The following ELMO1 variants were observed in gnomAD, a reference collection of about 807,000 sequenced individuals.
ELMO1 encodes the protein engulfment and cell motility protein 1.
A neutral mutation model predicts 98.9 loss-of-function variants in ELMO1; 26 were observed. That is an observed-to-expected ratio of 0.26 (90% CI 0.19 to 0.36). The LOEUF (loss-of-function observed/expected upper bound fraction) is 0.36, where lower values mean the gene tolerates loss of function less well. ELMO1 is among the 10% of genes least tolerant of loss of function. The pLI is 1.00. For missense variants in ELMO1, 627 were observed against 935.2 expected, an observed-to-expected ratio of 0.67 and a Z score of 4.30; for synonymous variants, 346 against 346.0, an observed-to-expected ratio of 1.00 and a Z score of 0.00.
chr7:37,025,385 T>C (rs1342012075), intron 15 of ELMO1, among the ~76,000 whole-genome samples: 2 of 152,194 alleles, frequency 1.3e-5, no homozygotes, highest in African/African-American at 4.8e-5. Context: ...GCTAATTCTA[T>C]GCATCAACCT....
intron 15 of ELMO1, among the ~76,000 whole-genome samples, chr7:37,051,022 T>C (rs1398282136): frequency 6.6e-6 from 1 of 152,210 alleles, no homozygotes; most frequent in East Asian, 1.9e-4. Flanking sequence ...GTATTTCCCA[T>C]AAGAATTCTT....
intron 15 of ELMO1, among the ~76,000 whole-genome samples, chr7:37,077,266 G>A (rs1002865500): frequency 6.6e-6 from 1 of 152,228 alleles, no homozygotes; most frequent in Non-Finnish European, 1.5e-5. Context: ...GCAGGATTAA[G>A]CCCAGGTCTC....
Position 37,375,490 on chromosome 7 carries a change from A to C in ELMO1, c.-73-32727T>G, listed in dbSNP as rs572960322. 43 of 744,260 alleles carry C rather than the reference A, an allele frequency of 5.8e-5. No homozygotes were observed. The East Asian group carries it at 1.0e-3, about 18-fold the overall frequency. The allele number at this position is 744,260 out of a possible 1,614,324, so 46.1% of individuals were successfully genotyped here. ...AGCAAGATGGAGTCAGGTATGATTC[A>C]AGCCCCGGCCCCGGACCCCAGAGCC... On this transcript the variant is annotated intron_variant, in intron 1 of 21. Coordinates refer to ENST00000310758, the MANE Select transcript of ELMO1 (RefSeq NM_014800.11).
At chr7:37,327,972 T>C (rs1024181697) in intron 2 of ELMO1, among the ~76,000 whole-genome samples, 1 of 152,220 alleles carries the variant, frequency 6.6e-6, no homozygotes, top group African/African-American at 2.4e-5. Flanking sequence ...CCTTTCTAAT[T>C]ATGATACAGT....
At chr7:37,428,779 G>C (rs1472986722) in intron 1 of ELMO1, among the ~76,000 whole-genome samples, 2 of 152,254 alleles carry the variant, frequency 1.3e-5, no homozygotes, top group East Asian at 3.8e-4. Context: ...ACGATGTATA[G>C]TGCTTACGCA....
chr7:36,885,271 A>AT (rs762654461), intron 18 of ELMO1, among the ~76,000 whole-genome samples: 2 of 152,138 alleles, frequency 1.3e-5, no homozygotes, highest in Non-Finnish European at 2.9e-5. Flanking sequence ...GGGGTAGTTC[A>AT]TTTTTAGAAA....
intron 13 of ELMO1, among the ~76,000 whole-genome samples, chr7:37,189,138 T>C (rs534989181): frequency 6.6e-6 from 1 of 152,356 alleles, no homozygotes; most frequent in East Asian, 1.9e-4. Flanking sequence ...AATTCGGTAA[T>C]TGTGTATGGA....
At chr7:37,213,491 A>G in intron 11 of ELMO1, 34 bp from the exon 12 acceptor site, 1 of 1,569,482 alleles carries the variant, frequency 6.4e-7, no homozygotes, top group Non-Finnish European at 8.6e-7. Flanking sequence ...AATTTTTTAA[A>G]AAAGAAAGAA....
chr7:37,186,071 A>G (rs1035260189), intron 13 of ELMO1, among the ~76,000 whole-genome samples: 2 of 152,220 alleles, frequency 1.3e-5, no homozygotes, highest in African/African-American at 4.8e-5. Flanking sequence ...AACTTACTAC[A>G]AAGTTTCCAT....
rs146809828 is a variant in ELMO1 at position 37,342,526 on chromosome 7, G to A, written c.78+87C>T. ...TTCAACACAGCTAGAGAGAGAAAGG[G>A]AGAAGAGTGAGCTATCCAAAGTCTA... On this transcript the variant is annotated intron_variant, in intron 2 of 21. Coordinates refer to ENST00000310758, the MANE Select transcript of ELMO1 (RefSeq NM_014800.11). The surrounding 1 kb of genome is among the most constrained non-coding windows in gnomAD (Gnocchi z 4.3). 2,074 of 1,308,842 alleles carry A rather than the reference G, an allele frequency of 1.6e-3. 16 individuals carry two copies. Among genetic ancestry groups the A allele is most frequent in the East Asian group, 6.0e-3 (259 of 43,512 alleles). The allele number at this position is 1,308,842 out of a possible 1,614,324, so 81.1% of individuals were successfully genotyped here.
At chr7:37,328,673 T>C (rs747318438) in intron 2 of ELMO1, among the ~76,000 whole-genome samples, 1 of 152,134 alleles carries the variant, frequency 6.6e-6, no homozygotes, top group Non-Finnish European at 1.5e-5. Context: ...ATATGAATAG[T>C]AGATGATCCT....
chr7:37,296,790 T>A (rs954765660), intron 4 of ELMO1, among the ~76,000 whole-genome samples: 2 of 152,242 alleles, frequency 1.3e-5, no homozygotes, highest in Non-Finnish European at 2.9e-5. Context: ...TAAATTTGTA[T>A]AAATAACATC....
chr7:37,228,870 T>C (rs1794012941), intron 8 of ELMO1, among the ~76,000 whole-genome samples: 2 of 152,084 alleles, frequency 1.3e-5, no homozygotes, highest in South Asian at 2.1e-4. Context: ...TGGGCTCCTG[T>C]AGTCCCAGCT....
At chr7:37,069,500 T>C (rs896813619) in intron 15 of ELMO1, among the ~76,000 whole-genome samples, 1 of 152,130 alleles carries the variant, frequency 6.6e-6, no homozygotes, top group Admixed American at 6.5e-5. Context: ...GCTGCAAACA[T>C]GAAATTAAGA....
intron 16 of ELMO1, among the ~76,000 whole-genome samples, chr7:36,971,149 G>C (rs1024808831): frequency 1.7e-4 from 26 of 152,232 alleles, no homozygotes; most frequent in African/African-American, 5.5e-4. Flanking sequence ...CTTTAGCAAA[G>C]AACGAAAGGT....
chr7:37,274,425 C>CACCT (rs1203440629), intron 4 of ELMO1, among the ~76,000 whole-genome samples: 1 of 152,156 alleles, frequency 6.6e-6, no homozygotes, highest in Non-Finnish European at 1.5e-5. Flanking sequence ...GGGCCAGGCA[C>CACCT]ACCTGTTCAT....
intron 13 of ELMO1, among the ~76,000 whole-genome samples, chr7:37,136,313 A>AG (rs1454771832): frequency 6.6e-6 from 1 of 152,222 alleles, no homozygotes; most frequent in East Asian, 1.9e-4. Flanking sequence ...GGAGTAATTG[A>AG]GGAAAACTCC....
intron 15 of ELMO1, among the ~76,000 whole-genome samples, chr7:37,078,176 C>A (rs1426061596): frequency 6.6e-6 from 1 of 152,016 alleles, no homozygotes; most frequent in Non-Finnish European, 1.5e-5. Context: ...TGAATCCGGG[C>A]ACGATTATAT....
chr7:37,197,194 T>TC (rs937705868), intron 13 of ELMO1: 3 of 152,238 alleles, frequency 2.0e-5, no homozygotes, highest in Non-Finnish European at 2.9e-5. Flanking sequence ...GGAAGATTCT[T>TC]CCTGCTCCTC....
Sources: allele counts gnomAD v4.1 joint callset (sites outside exome capture counted in the v4.1 genomes callset), GRCh38; gene constraint gnomAD v4.1.1; non-coding constraint Gnocchi (gnomAD v3.1); transcripts MANE v1.5; gene names NCBI Gene and HGNC (gene_info 2026-07-23, HGNC 2026-07-21).